NHSL1: variants seen among roughly 807,000 people sequenced by gnomAD.
NHSL1 encodes the protein NHS-like protein 1.
In NHSL1, 48 loss-of-function variants were observed where a neutral mutation model predicts 95.0. The ratio of observed to expected loss-of-function variants is 0.51; its 90% CI spans 0.40 to 0.64. The LOEUF is 0.64. NHSL1 is among the 30% of genes least tolerant of loss of function. NHSL1 has a pLI of 0.00. For missense variants in NHSL1, 1,971 were observed against 2,077.7 expected, an observed-to-expected ratio of 0.95 and a Z score of 1.00; for synonymous variants, 783 against 833.9, an observed-to-expected ratio of 0.94 and a Z score of 1.05.
At chr6:138,486,260 C>G (rs1462219611) in intron 2 of NHSL1, among the ~76,000 whole-genome samples, 1 of 152,150 alleles carries the variant, frequency 6.6e-6, no homozygotes, top group Non-Finnish European at 1.5e-5. Context: ...AATACTATCC[C>G]TTCCCTCTCT....
At chr6:138,638,680 T>G (rs541163274) in intron 1 of NHSL1, among the ~76,000 whole-genome samples, 19 of 152,308 alleles carry the variant, frequency 1.2e-4, no homozygotes, top group South Asian at 4.1e-4. Flanking sequence ...AAATGAAACT[T>G]GGGTACACTA....
In NHSL1 at chr6:138,431,217, T is replaced by G. The variant is rs1344899932; in HGVS notation, c.3128A>C (p.Gln1043Pro). 5.9e-6 allele frequency: 9 copies of G among 1,530,006 alleles called. No individual in the cohort carries two copies. The South Asian group carries it at 1.1e-4, about 19-fold the overall frequency. The allele number at this position is 1,530,006 out of a possible 1,614,324, so 94.8% of individuals were successfully genotyped here. ...DTRPPFTNSG[Q>P]PESSRGSLRP... Reference sequence around the variant, plus strand: ...CAAGGATCCCCGGGAGGATTCTGGCTGGCCAGAATTTGTGAAAGGCGGCCT... The same window carrying G: ...CAAGGATCCCCGGGAGGATTCTGGCGGGCCAGAATTTGTGAAAGGCGGCCT... The change falls in exon 6 of 8, where the codon CAG becomes CCG. Residue 1043 changes from glutamine to proline, a missense_variant. This residue lies in a region of NHSL1 where 1,602 missense variants were observed against 1,654.5 expected (regional missense o/e 0.97). Coordinates refer to ENST00000343505, the MANE Select transcript of NHSL1 (RefSeq NM_001144060.2). The surrounding 1 kb of genome is among the most constrained non-coding windows in gnomAD (Gnocchi z 4.0).
chr6:138,542,390 C>T (rs1484392992), intron 1 of NHSL1, among the ~76,000 whole-genome samples: 1 of 152,198 alleles, frequency 6.6e-6, no homozygotes, highest in African/African-American at 2.4e-5. Context: ...GTTATGACAG[C>T]TCTGGGAAAC....
intron 1 of NHSL1, among the ~76,000 whole-genome samples, chr6:138,653,846 A>G (rs1785123134): frequency 6.6e-6 from 1 of 152,176 alleles, no homozygotes; most frequent in South Asian, 2.1e-4. Flanking sequence ...AACATGTCTT[A>G]CCCTTACTGT....
In NHSL1 at chr6:138,424,147, C is replaced by G. The variant is rs1775088231; in HGVS notation, c.4755G>C (p.Gly1585=). ...LQPQAPGPVD[G]TASAEGREPS... Reference sequence around the variant, plus strand: ...GCTCTCTGCCCTCTGCACTGGCTGTCCCATCCACAGGGCCGGGGGCCTGGG... The same window carrying G: ...GCTCTCTGCCCTCTGCACTGGCTGTGCCATCCACAGGGCCGGGGGCCTGGG... Residue 1585 remains glycine, a synonymous_variant, in exon 8 of 8, where the codon GGG becomes GGC. Coordinates refer to ENST00000343505, the MANE Select transcript of NHSL1 (RefSeq NM_001144060.2). This position sits in a 1 kb window ranked among gnomAD's most constrained non-coding sequence, Gnocchi z 5.9. 2 of 1,442,050 alleles carry G rather than the reference C, an allele frequency of 1.4e-6. No homozygotes were observed. Among genetic ancestry groups the G allele is most frequent in the Admixed American group, 2.8e-5 (1 of 35,430 alleles). 89.3% of individuals were successfully genotyped at this position (1,442,050 alleles called of 1,614,324 possible).
intron 1 of NHSL1, among the ~76,000 whole-genome samples, chr6:138,569,299 G>A (rs1783737125): frequency 6.6e-6 from 1 of 152,018 alleles, no homozygotes; most frequent in Admixed American, 6.6e-5. Context: ...GAGAGCGAGA[G>A]AGAAAAAGAG....
intron 1 of NHSL1, among the ~76,000 whole-genome samples, chr6:138,528,860 T>C (rs2128314142): frequency 6.6e-6 from 1 of 152,272 alleles, no homozygotes; most frequent in East Asian, 1.9e-4. Flanking sequence ...ATTAACAAGA[T>C]TAGTATGTTT....
At chr6:138,687,029 C>G (rs540508967) in intron 1 of NHSL1, among the ~76,000 whole-genome samples, 99 of 152,178 alleles carry the variant, frequency 6.5e-4, no homozygotes, top group Non-Finnish European at 1.2e-3. Context: ...GCGGGCCACA[C>G]AGCCACCAAC....
chr6:138,558,112 A>C (rs1783261769), intron 1 of NHSL1, among the ~76,000 whole-genome samples: 1 of 152,118 alleles, frequency 6.6e-6, no homozygotes, highest in African/African-American at 2.4e-5. Context: ...CTAACCAATT[A>C]CCAGGGTTTT....
intron 1 of NHSL1, among the ~76,000 whole-genome samples, chr6:138,529,704 A>G (rs1362808188): frequency 1.3e-5 from 2 of 152,330 alleles, no homozygotes; most frequent in Non-Finnish European, 2.9e-5. Flanking sequence ...TCTTCAAGCC[A>G]GCAACAGCGT....
intron 1 of NHSL1, among the ~76,000 whole-genome samples, chr6:138,603,207 A>T (rs918337599): frequency 2.6e-5 from 4 of 152,080 alleles, no homozygotes; most frequent in African/African-American, 9.7e-5. Flanking sequence ...GGGTTTTTTT[A>T]AATTTTACAT....
intron 1 of NHSL1, among the ~76,000 whole-genome samples, chr6:138,642,277 C>G (rs549262801): frequency 2.0e-3 from 311 of 152,276 alleles, no homozygotes; most frequent in Non-Finnish European, 2.9e-3. Context: ...ATGAGCACTT[C>G]AGGCTGTATA....
intron 3 of NHSL1, among the ~76,000 whole-genome samples, chr6:138,456,068 A>G (rs1377786439): frequency 1.3e-5 from 2 of 152,204 alleles, no homozygotes; most frequent in African/African-American, 4.8e-5. Context: ...ATTTACTTCA[A>G]CCTCACACCA....
intron 1 of NHSL1, among the ~76,000 whole-genome samples, chr6:138,636,727 AAAC>A (rs1784893259): frequency 6.6e-6 from 1 of 152,208 alleles, no homozygotes; most frequent in Admixed American, 6.5e-5. Flanking sequence ...TCTATAATGA[AAAC>A]AATAAAATAC....
chr6:138,659,168 G>C (rs1046582912), intron 1 of NHSL1, among the ~76,000 whole-genome samples: 2 of 150,130 alleles, frequency 1.3e-5, no homozygotes, highest in Non-Finnish European at 2.9e-5. Flanking sequence ...TCCTGCCTTA[G>C]CCTCCTGAGA....
At chr6:138,650,794 C>T (rs1278505310) in intron 1 of NHSL1, 2 of 543,060 alleles carry the variant, frequency 3.7e-6, no homozygotes, top group East Asian at 5.2e-5. Context: ...TTGTTGGAAA[C>T]CTGCTAGATC....
rs540158656 is a variant in NHSL1, at chr6:138,528,415, G to A, written c.16+17208C>T. Among the ~76,000 whole-genome samples the A allele has an allele frequency of 7.2e-5, 11 of 152,266 alleles. No individual in the cohort carries two copies. The South Asian group carries it at 2.3e-3, about 32-fold the overall frequency. ...AGTTCAGGAAGAAAGGAAGTGGAGA[G>A]TGACGATTTACCTGCCAACCTACCC... On this transcript the variant is annotated intron_variant, in intron 1 of 4. Transcript: ENST00000342260.
chr6:138,583,055 G>A (rs565306483), intron 1 of NHSL1, among the ~76,000 whole-genome samples: 10 of 152,282 alleles, frequency 6.6e-5, no homozygotes, highest in South Asian at 2.1e-4. Context: ...GGCTCTCCCC[G>A]TGTGCCTGAA....
intron 1 of NHSL1, among the ~76,000 whole-genome samples, chr6:138,685,661 G>A (rs1452271520): frequency 1.3e-5 from 2 of 152,022 alleles, no homozygotes; most frequent in Non-Finnish European, 2.9e-5. Flanking sequence ...ATGAGCCTAA[G>A]CAACACAGTG....
Sources: allele counts gnomAD v4.1 joint callset (sites outside exome capture counted in the v4.1 genomes callset), GRCh38; gene constraint gnomAD v4.1.1; regional missense constraint gnomAD v4.1.1; non-coding constraint Gnocchi (gnomAD v3.1); transcripts MANE v1.5; gene names NCBI Gene and HGNC (gene_info 2026-07-23, HGNC 2026-07-21).